NHSL1: variants seen among roughly 807,000 people sequenced by gnomAD.
NHSL1 encodes NHS-like protein 1.
Under a neutral mutation model 95.0 loss-of-function variants are expected in NHSL1, and 48 were observed. The observed-to-expected ratio is 0.51, with a 90% CI of 0.40 to 0.64. The LOEUF is 0.64. NHSL1 is among the 30% of genes least tolerant of loss of function. The pLI is 0.00. For missense variants in NHSL1, 1,971 were observed against 2,077.7 expected (o/e 0.95, Z 1.00); for synonymous variants, 783 against 833.9 (o/e 0.94, Z 1.05).
intron 3 of NHSL1, among the ~76,000 whole-genome samples, chr6:138,462,471 T>C (rs1412112376): frequency 6.6e-6 from 1 of 152,162 alleles, no homozygotes; most frequent in Non-Finnish European, 1.5e-5. Context: ...GGGATGTTCC[T>C]CCACAGCCCA....
chr6:138,453,492 G>C (rs59786433), intron 3 of NHSL1, among the ~76,000 whole-genome samples: 20,150 of 151,560 alleles, frequency 0.13, 1,343 homozygotes, highest in Middle Eastern at 0.17. Flanking sequence ...GTAGCTGGGA[G>C]TATGGATGTG....
chr6:138,624,638 C>T (rs1429349044), intron 1 of NHSL1, among the ~76,000 whole-genome samples: 1 of 152,154 alleles, frequency 6.6e-6, no homozygotes, highest in Non-Finnish European at 1.5e-5. Context: ...TGCTGAGTGA[C>T]ACTCAGATCA....
chr6:138,496,887 A>T (rs1780385870), intron 1 of NHSL1, among the ~76,000 whole-genome samples: 1 of 152,260 alleles, frequency 6.6e-6, no homozygotes, highest in African/African-American at 2.4e-5. Context: ...TTTTTAAAAA[A>T]TTAAGCGTAA....
At chr6:138,517,984 T>A (rs1174102240) in intron 1 of NHSL1, among the ~76,000 whole-genome samples, 4 of 152,148 alleles carry the variant, frequency 2.6e-5, no homozygotes, top group African/African-American at 9.6e-5. Context: ...GAAGCGAACG[T>A]TGTTAGTTCT....
intron 1 of NHSL1, among the ~76,000 whole-genome samples, chr6:138,589,078 C>A (rs1346488646): frequency 1.3e-5 from 2 of 152,150 alleles, no homozygotes; most frequent in Admixed American, 1.3e-4. Context: ...GTATTTGTAT[C>A]CTAACACCCG....
At chr6:138,450,209 C>T (rs777928880) in intron 3 of NHSL1, among the ~76,000 whole-genome samples, 18 of 152,270 alleles carry the variant, frequency 1.2e-4, no homozygotes, top group Non-Finnish European at 2.5e-4. Flanking sequence ...CACACACACA[C>T]ACTTAAAATT....
Position 138,486,917 on chromosome 6 carries a change from G to A in NHSL1, c.211+9302C>T, listed in dbSNP as rs112181980. 2.3e-4 allele frequency among the ~76,000 whole-genome samples: 35 copies of A among 152,308 alleles called. 3 individuals are homozygous for A. Among genetic ancestry groups the A allele is most frequent in the African/African-American group, 7.9e-4 (33 of 41,568 alleles). On this transcript the variant is annotated intron_variant, in intron 2 of 7. Coordinates refer to ENST00000343505, the MANE Select transcript of NHSL1 (RefSeq NM_001144060.2). The stretch of plus-strand genomic sequence containing the variant: ...ACAAGGTAGAAAAGGACTTCCTGGG[G>A]CTACCCAGGGGAAATCCAGGAAAGG...
Position 138,432,894 on chromosome 6 carries a change from T to G in NHSL1, c.1451A>C (p.Asp484Ala). The change falls in exon 6 of 8, where the codon GAC (aspartate) becomes GCC (alanine). Residue 484 changes from aspartate to alanine, a missense_variant. Physicochemically the swap from Asp to Ala is moderately radical, Grantham distance 126. Coordinates refer to ENST00000343505, the MANE Select transcript of NHSL1 (RefSeq NM_001144060.2). This position sits in a 1 kb window ranked among gnomAD's most constrained non-coding sequence, Gnocchi z 4.4. ...TGCGGGTTCACCAGGGGAATGAGGG[T>G]CTAAGTCCTGTGAAAGAATGGTGGC... Reference protein sequence around the residue: ...GHATILSQDLDPHSPGEPALL... With the variant: ...GHATILSQDLAPHSPGEPALL... 1 of 1,551,416 alleles carries G rather than the reference T, an allele frequency of 6.4e-7. No individual in the cohort carries two copies. Among genetic ancestry groups the G allele is most frequent in the Non-Finnish European group, 8.7e-7 (1 of 1,146,910 alleles).
Position 138,432,173 on chromosome 6 carries a change from G to A in NHSL1, c.2172C>T (p.Pro724=), listed in dbSNP as rs529261844. Residue 724 remains proline, a synonymous_variant, in exon 6 of 8, where the codon CCC becomes CCT. Coordinates refer to ENST00000343505, the MANE Select transcript of NHSL1 (RefSeq NM_001144060.2). The surrounding 1 kb of genome is among the most constrained non-coding windows in gnomAD (Gnocchi z 4.4). ...GKSGSSPSQS[P]CSDLEEPWLP... The stretch of plus-strand genomic sequence containing the variant: ...GCCAGGGCTCTTCCAAGTCACTGCA[G>A]GGGCTCTGGGAGGGCGAGCTGCCAC... 473 of 1,547,458 alleles carry A rather than the reference G, an allele frequency of 3.1e-4. 1 individual carries two copies. In the African/African-American group the frequency reaches 5.1e-3, roughly 17 times the overall value.
intron 5 of NHSL1, among the ~76,000 whole-genome samples, chr6:138,441,221 G>A (rs970501913): frequency 2.0e-5 from 3 of 152,206 alleles, no homozygotes; most frequent in African/African-American, 7.2e-5. Context: ...GGCTGGCACT[G>A]GAGTCCTTAG....
intron 1 of NHSL1, among the ~76,000 whole-genome samples, chr6:138,626,015 C>A (rs1181106849): frequency 6.6e-6 from 1 of 152,226 alleles, no homozygotes; most frequent in African/African-American, 2.4e-5. Flanking sequence ...TTGAGTTTTT[C>A]TTCTGCCTTC....
chr6:138,541,678 ATTTTGTT>A (rs1466960831), intron 1 of NHSL1, among the ~76,000 whole-genome samples: 1 of 152,150 alleles, frequency 6.6e-6, no homozygotes, highest in Non-Finnish European at 1.5e-5. Context: ...ACTAAGTTCA[ATTTTGTT>A]TTTTGTTTTT....
At chr6:138,691,753 G>C in intron 1 of NHSL1, 1 of 355,844 alleles carries the variant, frequency 2.8e-6, no homozygotes, top group Non-Finnish European at 5.6e-6. Context: ...AAATGAAATG[G>C]ATCACCGGAG....
chr6:138,659,806 T>C (rs915056366), intron 1 of NHSL1, among the ~76,000 whole-genome samples: 1 of 150,160 alleles, frequency 6.7e-6, no homozygotes, highest in African/African-American at 2.5e-5. Context: ...AACCTCTGCC[T>C]CCCAGGTTCA....
At chr6:138,503,935 A>G (rs1405583583), upstream of NHSL1, among the ~76,000 whole-genome samples, 1 of 152,160 alleles carries the variant, frequency 6.6e-6, no homozygotes, top group African/African-American at 2.4e-5. Context: ...CCCAGTTAAA[A>G]AAGTAAAAAC....
At chr6:138,644,001 TAAA>T (rs375486600) in intron 1 of NHSL1, among the ~76,000 whole-genome samples, 2 of 128,004 alleles carry the variant, frequency 1.6e-5, no homozygotes, top group Non-Finnish European at 3.4e-5. Context: ...CATCTAAGAT[TAAA>T]AAAAAAAAAA....
At chr6:138,489,924 GGGGGAGAC>G (rs1779963154) in intron 2 of NHSL1, among the ~76,000 whole-genome samples, 1 of 68,490 alleles carries the variant, frequency 1.5e-5, no homozygotes, top group African/African-American at 6.3e-5. Flanking sequence ...GAGAGGGGGA[GGGGGAGAC>G]AGGGGGAGAG....
intron 3 of NHSL1, among the ~76,000 whole-genome samples, chr6:138,459,921 A>G (rs1266659004): frequency 1.3e-5 from 2 of 152,190 alleles, no homozygotes; most frequent in Non-Finnish European, 2.9e-5. Flanking sequence ...TGATTTTGGA[A>G]TATTTCTTTT....
chr6:138,540,654 A>T (rs1782544035), intron 1 of NHSL1, among the ~76,000 whole-genome samples: 1 of 152,226 alleles, frequency 6.6e-6, no homozygotes, highest in Non-Finnish European at 1.5e-5. Context: ...TTCTAATATG[A>T]ACTGCCCTTG....
Sources: gnomAD v4.1 joint callset for allele counts (sites outside exome capture counted in the v4.1 genomes callset) on GRCh38, gnomAD v4.1.1 for gene constraint, Gnocchi (gnomAD v3.1) non-coding constraint, MANE v1.5 for transcripts, NCBI Gene and HGNC (gene_info 2026-07-23, HGNC 2026-07-21) for gene names.